The following PDE4B variants were observed in gnomAD, a reference collection of about 807,000 sequenced individuals.
PDE4B encodes 3',5'-cyclic-AMP phosphodiesterase 4B.
Under a neutral mutation model 82.2 loss-of-function variants are expected in PDE4B, and 20 were observed. The observed-to-expected ratio is 0.24, with a 90% CI of 0.17 to 0.35. The LOEUF is 0.35. Ranked by LOEUF, PDE4B falls within the 10% of genes least tolerant of loss-of-function variation. The probability of loss-of-function intolerance (pLI) is 1.00; values close to 1 mark genes in which losing one functional copy is unlikely to be tolerated. For missense variants in PDE4B, 655 were observed against 907.2 expected, an observed-to-expected ratio of 0.72 and a Z score of 3.57; for synonymous variants, 320 against 318.9, an observed-to-expected ratio of 1.00 and a Z score of -0.04.
chr1:66,317,912 A>C (rs11208832), intron 7 of PDE4B, among the ~76,000 whole-genome samples: 67,477 of 152,054 alleles, frequency 0.44, 17,419 homozygotes, highest in East Asian at 0.81. Flanking sequence ...GAATAAAATA[A>C]AATAAAATAA....
intron 1 of PDE4B, among the ~76,000 whole-genome samples, chr1:65,851,690 T>A (rs1488931070): frequency 1.3e-5 from 2 of 152,164 alleles, no homozygotes; most frequent in East Asian, 3.9e-4. Flanking sequence ...GAGTCCTTGT[T>A]AAATATAGTT....
chr1:66,203,704 C>T (rs556264378), intron 3 of PDE4B, among the ~76,000 whole-genome samples: 145 of 152,278 alleles, frequency 9.5e-4, no homozygotes, highest in Non-Finnish European at 1.6e-3. Flanking sequence ...TCCATCAGCT[C>T]CTTTAAGCAC....
chr1:66,303,355 A>G (rs201487931), intron 7 of PDE4B, among the ~76,000 whole-genome samples: 252 of 31,144 alleles, frequency 8.1e-3, no homozygotes, highest in Non-Finnish European at 0.012. Flanking sequence ...GTGTGTGTGT[A>G]TATATATATA....
chr1:66,261,440 G>C (rs1654674207), intron 6 of PDE4B, among the ~76,000 whole-genome samples: 1 of 152,130 alleles, frequency 6.6e-6, no homozygotes, highest in Non-Finnish European at 1.5e-5. Context: ...ATGGAACTCA[G>C]ATATTCCTTT....
intron 3 of PDE4B, among the ~76,000 whole-genome samples, chr1:65,975,393 G>A (rs1273016278): frequency 6.6e-6 from 1 of 152,208 alleles, no homozygotes; most frequent in Non-Finnish European, 1.5e-5. Context: ...TCTGAAACTG[G>A]AACTTATATT....
Position 65,996,393 on chromosome 1 carries a change from G to A in PDE4B, c.281+77558G>A, listed in dbSNP as rs528906936. Among the ~76,000 whole-genome samples the A allele has an allele frequency of 3.4e-3, 513 of 151,798 alleles. 2 individuals carry two copies. The highest frequency in any genetic ancestry group is 5.8e-3 in the Non-Finnish European group (393 of 67,918). On this transcript the variant is annotated intron_variant, in intron 3 of 16. Transcript: ENST00000341517. ...TATTATTAATAAAAAAGATGCGTAA[G>A]AGCCTGCATGAATCTGAAGATCATT...
chr1:66,323,777 AG>A (rs1659572444), intron 7 of PDE4B, among the ~76,000 whole-genome samples: 1 of 152,218 alleles, frequency 6.6e-6, no homozygotes, highest in Non-Finnish European at 1.5e-5. Context: ...GTTTTATAAC[AG>A]TAAGTGGTGG....
At chr1:66,090,621 A>ATATGTGTGTGTGTGTGTGTGTGTG in intron 3 of PDE4B, among the ~76,000 whole-genome samples, 4 of 122,738 alleles carry the variant, frequency 3.3e-5, no homozygotes, top group African/African-American at 1.6e-4. Context: ...TATATAATAT[A>ATATGTGTGTGTGTGTGTGTGTGTG]TGTGTGTGTG....
At chr1:66,337,942 T>C (rs1052490115) in intron 8 of PDE4B, among the ~76,000 whole-genome samples, 2 of 152,242 alleles carry the variant, frequency 1.3e-5, no homozygotes, top group African/African-American at 4.8e-5. Flanking sequence ...TACTTAGGTA[T>C]AGTAATATAG....
At chr1:65,937,310 C>T (rs576378510) in intron 3 of PDE4B, among the ~76,000 whole-genome samples, 3 of 152,238 alleles carry the variant, frequency 2.0e-5, no homozygotes, top group Non-Finnish European at 2.9e-5. Context: ...TGGAAACATT[C>T]GTTATTGTGG....
intron 3 of PDE4B, among the ~76,000 whole-genome samples, chr1:66,059,339 C>T (rs1159201025): frequency 6.6e-6 from 1 of 152,188 alleles, no homozygotes; most frequent in Non-Finnish European, 1.5e-5. Flanking sequence ...CTGTTCCAAC[C>T]TCTGCCTGTT....
At chr1:66,179,860 G>A (rs945336053) in intron 3 of PDE4B, among the ~76,000 whole-genome samples, 6 of 152,072 alleles carry the variant, frequency 3.9e-5, no homozygotes, top group African/African-American at 7.2e-5. Context: ...CCTTTCTTAC[G>A]AGTTCGGAAT....
At chr1:66,324,843 A>G (rs368094327) in intron 7 of PDE4B, among the ~76,000 whole-genome samples, 2 of 152,198 alleles carry the variant, frequency 1.3e-5, no homozygotes, top group African/African-American at 4.8e-5. Context: ...GATTTGTTCC[A>G]TAGATACTTT....
chr1:65,993,942 G>A (rs1651391566), intron 3 of PDE4B, among the ~76,000 whole-genome samples: 1 of 152,074 alleles, frequency 6.6e-6, no homozygotes, highest in Non-Finnish European at 1.5e-5. Flanking sequence ...GAAAAAACAC[G>A]ATGAAATTAA....
intron 3 of PDE4B, among the ~76,000 whole-genome samples, chr1:65,971,221 G>T (rs904454111): frequency 2.0e-4 from 30 of 151,886 alleles, no homozygotes; most frequent in Admixed American, 9.9e-4. Context: ...TAGACGCTAG[G>T]CAATTGAGAT....
intron 8 of PDE4B, among the ~76,000 whole-genome samples, chr1:66,348,154 A>C (rs974383931): frequency 2.0e-5 from 3 of 152,168 alleles, no homozygotes; most frequent in Non-Finnish European, 4.4e-5. Flanking sequence ...TTTGTCATCT[A>C]CTTTGGAATC....
intron 3 of PDE4B, among the ~76,000 whole-genome samples, chr1:65,938,866 T>C (rs12087361): frequency 0.11 from 16,827 of 152,142 alleles, 1,092 homozygotes; most frequent in Middle Eastern, 0.2. Context: ...CCTGAGGGCA[T>C]TGGTGAGTTT....
intron 1 of PDE4B, among the ~76,000 whole-genome samples, chr1:65,883,826 G>C (rs528469174): frequency 1.2e-4 from 18 of 152,196 alleles, no homozygotes; most frequent in Non-Finnish European, 2.1e-4. Flanking sequence ...TTTGAGATAC[G>C]TCCCATCAAT....
chr1:66,202,988 G>C (rs976407975), intron 3 of PDE4B, among the ~76,000 whole-genome samples: 3 of 151,914 alleles, frequency 2.0e-5, no homozygotes, highest in African/African-American at 7.3e-5. Flanking sequence ...GCTGATACCG[G>C]TTGTTCATTT....
Sources: gnomAD v4.1 joint callset for allele counts (sites outside exome capture counted in the v4.1 genomes callset) on GRCh38, gnomAD v4.1.1 for gene constraint, MANE v1.5 for transcripts, NCBI Gene and HGNC (gene_info 2026-07-23, HGNC 2026-07-21) for gene names.